Variants in ANO4 observed in about 807,000 individuals in gnomAD.
ANO4 encodes anoctamin-4.
ANO4 carries 69 observed loss-of-function variants against 141.9 expected under a neutral mutation model. The ratio of observed to expected loss-of-function variants is 0.49; its 90% CI spans 0.40 to 0.59. The LOEUF is 0.59. Among genes scored for constraint, ANO4 ranks in the 20% least tolerant of loss-of-function variants. The pLI, the probability that ANO4 is intolerant of heterozygous loss-of-function variation, is 0.00. For synonymous variants in ANO4, 350 were observed against 394.3 expected, an observed-to-expected ratio of 0.89 and a Z score of 1.33; for missense variants, 894 against 1,162.2, an observed-to-expected ratio of 0.77 and a Z score of 3.36.
At chr12:100,818,257 T>C (rs78399653) in intron 1 of ANO4, among the ~76,000 whole-genome samples, 4,635 of 151,980 alleles carry the variant, frequency 0.03, 247 homozygotes, top group African/African-American at 0.11. Flanking sequence ...CACTATAGTT[T>C]TAAAAAAGTG....
Position 100,961,780 on chromosome 12 carries a change from G to A in ANO4, c.457-9526G>A, listed in dbSNP as rs558363029. Among the ~76,000 whole-genome samples the A allele has an allele frequency of 2.0e-5, 3 of 152,268 alleles. No individual in the cohort carries two copies. The East Asian group carries it at 5.8e-4, about 29-fold the overall frequency. ...AGTCAGCACATCTCAATTTGAACTA[G>A]TTATATTTTAAGTGTTTAATGGCCC... On this transcript the variant is annotated intron_variant, in intron 5 of 27. Coordinates refer to ENST00000392977, the MANE Select transcript of ANO4 (RefSeq NM_001286615.2).
At chr12:100,966,848 C>CATATACACACATGTATATAT (rs2043684409) in intron 5 of ANO4, among the ~76,000 whole-genome samples, 2 of 137,076 alleles carry the variant, frequency 1.5e-5, no homozygotes, top group Admixed American at 7.3e-5. Context: ...TACACACACA[C>CATATACACACATGTATATAT]ATATACACAC....
At chr12:100,813,251 G>C (rs1758595656) in intron 1 of ANO4, among the ~76,000 whole-genome samples, 1 of 152,152 alleles carries the variant, frequency 6.6e-6, no homozygotes, top group Admixed American at 6.6e-5. Flanking sequence ...AGCTCAGCCA[G>C]GATTATGCAT....
intron 2 of ANO4, among the ~76,000 whole-genome samples, chr12:100,906,446 A>G (rs1360224387): frequency 6.6e-6 from 1 of 152,244 alleles, no homozygotes; most frequent in Non-Finnish European, 1.5e-5. Context: ...ATTGTGGCAC[A>G]TATCTTAATA....
intron 1 of ANO4, among the ~76,000 whole-genome samples, chr12:100,875,548 T>A (rs77144356): frequency 0.036 from 5,447 of 152,272 alleles, 281 homozygotes; most frequent in African/African-American, 0.11. Flanking sequence ...TAACTGCCCC[T>A]AAACTGCTTC....
intron 14 of ANO4, among the ~76,000 whole-genome samples, chr12:101,060,119 G>T (rs189625025): frequency 6.6e-6 from 1 of 152,286 alleles, no homozygotes; most frequent in Admixed American, 6.5e-5. Context: ...ATTTATTTCT[G>T]CCTTAATTTC....
intron 8 of ANO4, among the ~76,000 whole-genome samples, chr12:101,001,163 A>G (rs2045619198): frequency 6.6e-6 from 1 of 152,224 alleles, no homozygotes; most frequent in Non-Finnish European, 1.5e-5. Flanking sequence ...TAAAACACCT[A>G]TAGGAAAGGG....
At chr12:100,751,211 G>A (rs968545881) in intron 3 of ANO4, among the ~76,000 whole-genome samples, 1 of 152,172 alleles carries the variant, frequency 6.6e-6, no homozygotes, top group African/African-American at 2.4e-5. Context: ...GGTGTACCAT[G>A]GGGCCCACAG....
chr12:100,982,088 A>G (rs1260834351), intron 7 of ANO4, among the ~76,000 whole-genome samples: 2 of 152,202 alleles, frequency 1.3e-5, no homozygotes, highest in Non-Finnish European at 2.9e-5. Context: ...CCATCAGAAC[A>G]ACTTTCTGTA....
In ANO4 at chr12:100,777,919, ATTT is replaced by A. The variant is rs373496240; in HGVS notation, c.358+37830_358+37832del. 7.6e-3 allele frequency among the ~76,000 whole-genome samples: 1,029 copies of A among 134,898 alleles called. 18 individuals are homozygous for A. Among genetic ancestry groups the A allele is most frequent in the African/African-American group, 0.023 (815 of 36,078 alleles). The allele number at this position is 134,898 out of a possible 152,430, so 88.5% of individuals were successfully genotyped here. A position where few individuals can be genotyped will look rare whatever the true frequency, so the allele number is the denominator to read the frequency against. Reference sequence around the variant, plus strand: ...TTGTCTTTAGAAGATAATGCTTACAATTTTTTTTTTTTTTTTTTGTGACGGAGT... The same window carrying A: ...TTGTCTTTAGAAGATAATGCTTACAATTTTTTTTTTTTTTTGTGACGGAGT... On this transcript the variant is annotated intron_variant, in intron 3 of 29. Coordinates refer to the ANO4 transcript ENST00000644049.
chr12:101,029,443 G>A (rs2046876525), intron 9 of ANO4, among the ~76,000 whole-genome samples: 2 of 152,100 alleles, frequency 1.3e-5, no homozygotes, highest in African/African-American at 2.4e-5. Context: ...CATCTCATGT[G>A]CAAAGACCCC....
chr12:101,035,482 C>T (rs974289228), intron 9 of ANO4, among the ~76,000 whole-genome samples: 4 of 152,056 alleles, frequency 2.6e-5, no homozygotes, highest in South Asian at 4.1e-4. Flanking sequence ...ATACTTATGT[C>T]GAAACATCTA....
chr12:100,986,937 C>G (rs569869284), intron 7 of ANO4, among the ~76,000 whole-genome samples: 1 of 152,246 alleles, frequency 6.6e-6, no homozygotes, highest in Non-Finnish European at 1.5e-5. Flanking sequence ...ATGTGTGTCA[C>G]GATGCCCTAG....
intron 6 of ANO4, 64 bp downstream of exon 6, chr12:100,971,470 C>A: frequency 8.5e-7 from 1 of 1,176,736 alleles, no homozygotes; most frequent in Non-Finnish European, 1.2e-6. Context: ...ATGTTCTCCT[C>A]TCTCAGAACA....
intron 5 of ANO4, among the ~76,000 whole-genome samples, chr12:100,957,820 C>T (rs946117714): frequency 5.3e-5 from 8 of 152,216 alleles, no homozygotes; most frequent in Admixed American, 2.6e-4. Context: ...TCATAAATTA[C>T]CCCATCTCAG....
intron 6 of ANO4, among the ~76,000 whole-genome samples, chr12:100,974,140 A>C (rs918532674): frequency 6.6e-6 from 1 of 152,186 alleles, no homozygotes; most frequent in Non-Finnish European, 1.5e-5. Context: ...TACACCAAGA[A>C]TTTTCATTTT....
chr12:101,079,149 T>G (rs1333912525), intron 14 of ANO4, 44 bp from the exon 15 acceptor site: 2 of 1,546,848 alleles, frequency 1.3e-6, no homozygotes, highest in Non-Finnish European at 1.8e-6. Context: ...AGCCTTGTTT[T>G]ACTTTTATTC....
chr12:101,080,900 TAC>T (rs1555296592), intron 15 of ANO4, among the ~76,000 whole-genome samples: 3 of 131,038 alleles, frequency 2.3e-5, no homozygotes, highest in African/African-American at 2.8e-5. Flanking sequence ...TATATATATA[TAC>T]ATACACATAT....
At position 101,066,847 on chromosome 12, in the gene ANO4, G is replaced by T. The variant is rs895423465; in HGVS notation, c.1313-12346G>T. 5.1e-6 allele frequency: 7 copies of T among 1,371,916 alleles called. No individual in the cohort carries two copies. In the East Asian group the frequency reaches 1.6e-4, roughly 31 times the overall value. 85.0% of individuals were successfully genotyped at this position (1,371,916 alleles called of 1,614,324 possible). A position where few individuals can be genotyped will look rare whatever the true frequency, so the allele number is the denominator to read the frequency against. The stretch of plus-strand genomic sequence containing the variant: ...CACTTCAGATTGACATACCTGATGC[G>T]CTCAGTGAGAGAGATAAGGTCAAAT... On this transcript the variant is annotated intron_variant, in intron 14 of 27. Transcript: ENST00000392977.
Sources: allele counts gnomAD v4.1 joint callset (sites outside exome capture counted in the v4.1 genomes callset), GRCh38; gene constraint gnomAD v4.1.1; transcripts MANE v1.5; gene names NCBI Gene and HGNC (gene_info 2026-07-23, HGNC 2026-07-21).